Variants in ZNF596 observed in about 807,000 individuals in gnomAD.
ZNF596 encodes the protein zinc finger protein 596.
In ZNF596, 45 loss-of-function variants were observed where a neutral mutation model predicts 48.3. That is an observed-to-expected ratio of 0.93 (90% CI 0.73 to 1.19). ZNF596 has a LOEUF of 1.19. Ranked by LOEUF, ZNF596 falls within the 50% of genes most tolerant of loss-of-function variation. ZNF596 has a pLI of 0.00. For synonymous variants in ZNF596, 270 were observed against 202.0 expected (o/e 1.34, Z -2.85); for missense variants, 848 against 599.7 (o/e 1.41, Z -4.32).
At chr8:239,683 G>T (rs1250584220) in intron 1 of ZNF596, among the ~76,000 whole-genome samples, 1 of 152,200 alleles carries the variant, frequency 6.6e-6, no homozygotes, top group African/African-American at 2.4e-5. Flanking sequence ...AGCAGTTGGG[G>T]GGTACCATTG....
chr8:240,876 T>A lies in ZNF596; in HGVS notation c.-20T>A, dbSNP rs770775054. On this transcript the variant is annotated 5_prime_UTR_variant, in exon 2 of 6. The change creates a new upstream start codon in the 5' untranslated region. Transcript: ENST00000398612. ...TGAGTGAAAACCCAGAGGAATACAT[T>A]TGGTGGCTGAGCTAGTACAATGCCA... is the stretch of plus-strand genomic sequence containing the variant. The A allele has an allele frequency of 1.2e-6, 2 of 1,613,934 alleles. No homozygotes were observed. The highest frequency in any genetic ancestry group is 1.3e-5 in the African/African-American group (1 of 74,890).
chr8:245,744 A>T lies in ZNF596; in HGVS notation c.897A>T (p.Arg299Ser), dbSNP rs145710711. 23 of 1,613,992 alleles carry T rather than the reference A, an allele frequency of 1.4e-5. No homozygotes were observed. Among genetic ancestry groups the T allele is most frequent in the Non-Finnish European group, 1.9e-5 (22 of 1,180,038 alleles). ...GCTCTGACCTTAGAAAACATGAGAG[A>T]ACTCACTTAGGAGATAAACCATATG... ...THCSDLRKHE[R>S]THLGDKPYGC... The change falls in exon 6 of 6, where the codon AGA becomes AGT. Residue 299 changes from arginine to serine, a missense_variant. Physicochemically the swap from Arg to Ser is moderately radical, Grantham distance 110 (BLOSUM62 -1). Transcript: ENST00000398612.
Position 232,688 on chromosome 8 carries a change from G to A in ZNF596, c.-79G>A. 2.6e-6 allele frequency: 1 copy of A among 382,942 alleles called. No individual in the cohort carries two copies. Among genetic ancestry groups the A allele is most frequent in the Non-Finnish European group, 5.3e-6 (1 of 187,652 alleles). 23.7% of individuals were successfully genotyped at this position (382,942 alleles called of 1,614,324 possible). ...CCGTCCGCCCATCCTATCGCGCGCG[G>A]CCTCAGGTCCCGATTCGGCATGTGG... On this transcript the variant is annotated 5_prime_UTR_variant, in exon 1 of 6. Coordinates refer to ENST00000398612, the MANE Select transcript of ZNF596 (RefSeq NM_001042416.3).
intron 1 of ZNF596, chr8:234,578 A>C (rs563722990): frequency 1.3e-5 from 2 of 152,356 alleles, no homozygotes; most frequent in East Asian, 3.9e-4. Flanking sequence ...AAAGGATTAG[A>C]TATGGCACTT....
At chr8:234,746 G>C (rs1796555632) in intron 1 of ZNF596, 1 of 152,140 alleles carries the variant, frequency 6.6e-6, no homozygotes. Flanking sequence ...ATCACACTGT[G>C]ACCCAGTGAA....
chr8:233,819 G>A lies in ZNF596; in HGVS notation c.-73+1125G>A, dbSNP rs576431311. On this transcript the variant is annotated intron_variant, in intron 1 of 5. Transcript: ENST00000398612. ...GCTTTTAATCAATATGATTAAAACCGTGAAAGACAAATCGCTGTTACTTAA... is the reference window on the plus strand; with the variant it reads ...GCTTTTAATCAATATGATTAAAACCATGAAAGACAAATCGCTGTTACTTAA... The A allele has an allele frequency of 6.6e-5, 10 of 152,318 alleles. No homozygotes were observed. The East Asian group carries it at 1.9e-3, about 29-fold the overall frequency. 9.4% of individuals were successfully genotyped at this position (152,318 alleles called of 1,614,324 possible).
chr8:237,423 A>C (rs1293144391), intron 1 of ZNF596: 1 of 152,082 alleles, frequency 6.6e-6, no homozygotes, highest in Non-Finnish European at 1.5e-5. Flanking sequence ...AGTGTTTTTA[A>C]AGTTTTACGT....
chr8:232,894 G>A (rs908260303), intron 1 of ZNF596, 200 bp downstream of exon 1: 48 of 468,050 alleles, frequency 1.0e-4, no homozygotes, highest in African/African-American at 9.5e-4. Context: ...CGAGACTGGG[G>A]TAGGGGACCT....
rs767966615 is a variant in ZNF596 at position 245,113 on chromosome 8, G to A, written c.307-41G>A. On this transcript the variant is annotated intron_variant, in intron 5 of 5. Coordinates refer to ENST00000398612, the MANE Select transcript of ZNF596 (RefSeq NM_001042416.3). ...ATGAATGAAGTAATGAATGAGTGTG[G>A]ATAAACCTTTAATAGTCTTTCATTT... The A allele has an allele frequency of 2.2e-5, 33 of 1,528,772 alleles. 1 individual carries two copies. Among genetic ancestry groups the A allele is most frequent in the East Asian group, 1.6e-4 (7 of 44,252 alleles). 94.7% of individuals were successfully genotyped at this position (1,528,772 alleles called of 1,614,324 possible). A position where few individuals can be genotyped will look rare whatever the true frequency, so the allele number is the denominator to read the frequency against.
chr8:232,632 C>T lies in ZNF596; in HGVS notation c.-135C>T, dbSNP rs1191428322. On this transcript the variant is annotated 5_prime_UTR_variant, in exon 1 of 6. Coordinates refer to ENST00000398612, the MANE Select transcript of ZNF596 (RefSeq NM_001042416.3). Reference sequence around the variant, plus strand: ...TCCGGTTCCGTCACTGAGGTCGCCCCTGTCCGGCCCTTCCACCCTAGTTCT... The same window carrying T: ...TCCGGTTCCGTCACTGAGGTCGCCCTTGTCCGGCCCTTCCACCCTAGTTCT... 2.9e-6 allele frequency: 1 copy of T among 349,450 alleles called. No individual in the cohort carries two copies. Among genetic ancestry groups the T allele is most frequent in the African/African-American group, 2.2e-5 (1 of 45,048 alleles). The allele number at this position is 349,450 out of a possible 1,614,324, so 21.6% of individuals were successfully genotyped here. A position where few individuals can be genotyped will look rare whatever the true frequency, so the allele number is the denominator to read the frequency against.
intron 2 of ZNF596, 58 bp downstream of exon 2, chr8:240,965 C>A: frequency 2.7e-5 from 43 of 1,594,990 alleles, no homozygotes; most frequent in Non-Finnish European, 3.4e-5. Flanking sequence ...AGCCTAAGGG[C>A]AGATTCATCC....
chr8:240,403 G>A (rs545952035), intron 1 of ZNF596: 4 of 169,682 alleles, frequency 2.4e-5, no homozygotes, highest in African/African-American at 9.6e-5. Flanking sequence ...AGAAGGAATG[G>A]AGGGAGGCTC....
rs558103605 is a variant in ZNF596, at chr8:237,028, T to C, written c.-72-3796T>C. On this transcript the variant is annotated intron_variant, in intron 1 of 5. Transcript: ENST00000398612. ...AATCACTTTTACAGTTAAACTCTGATATATAACTTAAACATTAAAATTGGC... is the reference window on the plus strand; with the variant it reads ...AATCACTTTTACAGTTAAACTCTGACATATAACTTAAACATTAAAATTGGC... 101 of 152,344 alleles carry C rather than the reference T, an allele frequency of 6.6e-4. 1 individual carries two copies. The highest frequency in any genetic ancestry group is 2.5e-3 in the Admixed American group (39 of 15,298). 9.4% of individuals were successfully genotyped at this position (152,344 alleles called of 1,614,324 possible). A position where few individuals can be genotyped will look rare whatever the true frequency, so the allele number is the denominator to read the frequency against.
At chr8:239,448 T>C (rs1312683624) in intron 1 of ZNF596, among the ~76,000 whole-genome samples, 1 of 152,134 alleles carries the variant, frequency 6.6e-6, no homozygotes, top group Admixed American at 6.5e-5. Context: ...CCTCCTGCCT[T>C]GGCCTCCCAA....
At chr8:235,870 G>C (rs988811973) in intron 1 of ZNF596, among the ~76,000 whole-genome samples, 18 of 152,010 alleles carry the variant, frequency 1.2e-4, no homozygotes, top group African/African-American at 4.3e-4. Flanking sequence ...AAATAACATA[G>C]GTTACATGAA....
chr8:246,439 G>A lies in ZNF596; in HGVS notation c.*77G>A, dbSNP rs2117124372. The A allele has an allele frequency of 6.7e-7, 1 of 1,491,594 alleles. No homozygotes were observed. The highest frequency in any genetic ancestry group is 1.4e-5 in the South Asian group (1 of 72,256). The allele number at this position is 1,491,594 out of a possible 1,614,324, so 92.4% of individuals were successfully genotyped here. On this transcript the variant is annotated 3_prime_UTR_variant, in exon 6 of 6. Transcript: ENST00000398612. Reference sequence around the variant, plus strand: ...CAGGAATATTATGTCTGTAATCAGTGTGGAAAAGCCTTTATTTATATTTAC... The same window carrying A: ...CAGGAATATTATGTCTGTAATCAGTATGGAAAAGCCTTTATTTATATTTAC...
At chr8:239,441 C>T (rs1796758287) in intron 1 of ZNF596, among the ~76,000 whole-genome samples, 1 of 152,228 alleles carries the variant, frequency 6.6e-6, no homozygotes, top group East Asian at 1.9e-4. Context: ...AGGTGATCCT[C>T]CTGCCTTGGC....
At chr8:238,896 A>T (rs1306301573) in intron 1 of ZNF596, among the ~76,000 whole-genome samples, 19 of 97,216 alleles carry the variant, frequency 2.0e-4, no homozygotes, top group Admixed American at 1.8e-3. Context: ...GCTATGAGAC[A>T]ACACTGATAA....
intron 1 of ZNF596, chr8:233,120 T>G: frequency 2.1e-6 from 1 of 467,022 alleles, no homozygotes; most frequent in Non-Finnish European, 4.4e-6. Flanking sequence ...GGGAGGGAAG[T>G]TTAGATGGGA....
Sources: gnomAD v4.1 joint callset for allele counts (sites outside exome capture counted in the v4.1 genomes callset) on GRCh38, gnomAD v4.1.1 for gene constraint, MANE v1.5 for transcripts, NCBI Gene and HGNC (gene_info 2026-07-23, HGNC 2026-07-21) for gene names.